NCKAP5: variants seen among roughly 807,000 people sequenced by gnomAD.
NCKAP5 encodes the protein NCK associated protein 5, also known as nck-associated protein 5.
Under a neutral mutation model 167.0 loss-of-function variants are expected in NCKAP5, and 92 were observed. The ratio of observed to expected loss-of-function variants is 0.55; its 90% CI spans 0.47 to 0.66. The LOEUF (loss-of-function observed/expected upper bound fraction) is 0.66. NCKAP5 is among the 30% of genes least tolerant of loss of function. NCKAP5 has a pLI of 0.00. For missense variants in NCKAP5, 2,378 were observed against 2,315.0 expected (o/e 1.03, Z -0.56); for synonymous variants, 891 against 877.4 (o/e 1.02, Z -0.27).
Position 133,558,704 on chromosome 2 carries a change from C to CAA in NCKAP5, c.-62+344_-62+345dup, listed in dbSNP as rs60051493. Among the ~76,000 whole-genome samples the CAA allele has an allele frequency of 6.7e-4, 34 of 50,858 alleles. 2 individuals carry two copies. The highest frequency in any genetic ancestry group is 8.9e-4 in the African/African-American group (11 of 12,308). The allele number at this position is 50,858 out of a possible 152,430, so 33.4% of individuals were successfully genotyped here. On this transcript the variant is annotated intron_variant, in intron 2 of 19. Transcript: ENST00000409261. ...ACATAAACAGATGCAATGTGCTGAG[C>CAA]AAAAAAAAAAAAAAAAAAAAAAGCC...
intron 4 of NCKAP5, among the ~76,000 whole-genome samples, chr2:133,288,919 G>T (rs1369622581): frequency 6.6e-6 from 1 of 152,066 alleles, no homozygotes; most frequent in Admixed American, 6.6e-5. Flanking sequence ...AAAAATTATA[G>T]ATTTTTAACT....
intron 6 of NCKAP5, among the ~76,000 whole-genome samples, chr2:133,048,873 C>T (rs898232986): frequency 6.6e-6 from 1 of 152,154 alleles, no homozygotes; most frequent in African/African-American, 2.4e-5. Context: ...TAACAATGTT[C>T]AGAGCAGTGT....
chr2:133,139,728 A>C (rs894735331), intron 5 of NCKAP5, among the ~76,000 whole-genome samples: 1 of 152,168 alleles, frequency 6.6e-6, no homozygotes, highest in South Asian at 2.1e-4. Context: ...CCTCACTGTC[A>C]TTCATTAGCA....
chr2:133,190,737 G>C (rs1460596408), intron 5 of NCKAP5, among the ~76,000 whole-genome samples: 1 of 152,138 alleles, frequency 6.6e-6, no homozygotes, highest in African/African-American at 2.4e-5. Flanking sequence ...GCTGAAACTG[G>C]ATCCCTTCCT....
At chr2:132,739,197 C>T (rs996092334) in intron 16 of NCKAP5, among the ~76,000 whole-genome samples, 2 of 152,156 alleles carry the variant, frequency 1.3e-5, no homozygotes, top group African/African-American at 4.8e-5. Context: ...TGTTTCTCAG[C>T]CTTTTCTTCT....
intron 4 of NCKAP5, among the ~76,000 whole-genome samples, chr2:133,287,946 A>G (rs571492832): frequency 8.3e-4 from 127 of 152,324 alleles, no homozygotes; most frequent in Admixed American, 1.5e-3. Flanking sequence ...TAACATTTCT[A>G]TTACAACTTC....
At chr2:132,722,431 C>G (rs1212591901) in intron 19 of NCKAP5, among the ~76,000 whole-genome samples, 1 of 152,224 alleles carries the variant, frequency 6.6e-6, no homozygotes, top group African/African-American at 2.4e-5. Flanking sequence ...CACTTGGCTT[C>G]TAAGACGCCA....
intron 6 of NCKAP5, among the ~76,000 whole-genome samples, chr2:133,108,085 G>A (rs919388175): frequency 1.4e-4 from 21 of 152,176 alleles, no homozygotes; most frequent in Middle Eastern, 3.4e-3. Context: ...TAATAACTCT[G>A]CTAATTTAAC....
rs1301860128 is a variant in NCKAP5, at chr2:132,748,536, T to A, written c.5129-16485A>T. Reference sequence around the variant, plus strand: ...TAAAACAAATGCATAGAGAACATTATCTCTTAGGGACATGAGCACATATGC... The same window carrying A: ...TAAAACAAATGCATAGAGAACATTAACTCTTAGGGACATGAGCACATATGC... On this transcript the variant is annotated intron_variant, in intron 16 of 19. Coordinates refer to ENST00000409261, the MANE Select transcript of NCKAP5 (RefSeq NM_207363.3). Among the ~76,000 whole-genome samples the A allele has an allele frequency of 7.2e-5, 11 of 152,290 alleles. No individual in the cohort carries two copies. The East Asian group carries it at 1.9e-3, about 27-fold the overall frequency.
At chr2:133,358,368 C>A (rs1213257870) in intron 3 of NCKAP5, among the ~76,000 whole-genome samples, 2 of 152,110 alleles carry the variant, frequency 1.3e-5, no homozygotes, top group African/African-American at 4.8e-5. Flanking sequence ...CGCTTGAGGG[C>A]AGGAGTTTGA....
intron 11 of NCKAP5, among the ~76,000 whole-genome samples, chr2:132,856,643 C>T (rs1208247338): frequency 6.6e-6 from 1 of 152,146 alleles, no homozygotes; most frequent in African/African-American, 2.4e-5. Context: ...AATGGTTACA[C>T]AGGTATCCCA....
At position 133,565,106 on chromosome 2, in the gene NCKAP5, T is replaced by A. The variant is rs1240718931; in HGVS notation, c.-130+3110A>T. 2.6e-5 allele frequency among the ~76,000 whole-genome samples: 4 copies of A among 151,992 alleles called. No homozygotes were observed. The East Asian group carries it at 7.8e-4, about 29-fold the overall frequency. On this transcript the variant is annotated intron_variant, in intron 1 of 19. Coordinates refer to ENST00000409261, the MANE Select transcript of NCKAP5 (RefSeq NM_207363.3). ...TGCAAGATATGGAGGATAAACTGAG[T>A]GTGTGGAGAGGTGCTGCAGGAGTAC...
intron 19 of NCKAP5, among the ~76,000 whole-genome samples, chr2:132,676,391 A>G (rs548005363): frequency 5.1e-5 from 7 of 138,418 alleles, no homozygotes; most frequent in African/African-American, 1.9e-4. Context: ...CCAATGCTAC[A>G]TCATCAGTAG....
intron 3 of NCKAP5, among the ~76,000 whole-genome samples, chr2:133,459,980 T>C (rs933528015): frequency 2.0e-5 from 3 of 152,186 alleles, no homozygotes; most frequent in African/African-American, 7.2e-5. Flanking sequence ...AAGACTTACG[T>C]GCAAAAAGAG....
chr2:133,223,365 G>A (rs1185836672), intron 4 of NCKAP5, among the ~76,000 whole-genome samples: 1 of 152,106 alleles, frequency 6.6e-6, no homozygotes, highest in Non-Finnish European at 1.5e-5. Flanking sequence ...GCTCCTCTGA[G>A]GAGGCCAAGA....
intron 8 of NCKAP5, among the ~76,000 whole-genome samples, chr2:132,881,895 C>T (rs1691788820): frequency 6.8e-6 from 1 of 147,548 alleles, no homozygotes; most frequent in African/African-American, 2.5e-5. Flanking sequence ...ATTTAAGCAA[C>T]CATCAATGAT....
intron 6 of NCKAP5, among the ~76,000 whole-genome samples, chr2:133,127,407 A>G (rs1353272162): frequency 6.6e-6 from 1 of 152,192 alleles, no homozygotes; most frequent in East Asian, 1.9e-4. Flanking sequence ...TTCAGTTTCA[A>G]TGACACTTTA....
At position 133,527,432 on chromosome 2, in the gene NCKAP5, C is replaced by CT. The variant is rs956442762; in HGVS notation, c.-61-9846dup. The stretch of plus-strand genomic sequence containing the variant: ...TAGAATATTTCCAATTACCTAGGAG[C>CT]TTTTTTTTCCACTTTAAGAGGTTAT... On this transcript the variant is annotated intron_variant, in intron 2 of 19. Coordinates refer to ENST00000409261, the MANE Select transcript of NCKAP5 (RefSeq NM_207363.3). Among the ~76,000 whole-genome samples, 7 of 151,770 alleles carry CT rather than the reference C, an allele frequency of 4.6e-5. No individual in the cohort carries two copies. The East Asian group carries it at 5.8e-4, about 13-fold the overall frequency.
chr2:133,139,609 T>A (rs1303675764), intron 5 of NCKAP5, among the ~76,000 whole-genome samples: 2 of 152,150 alleles, frequency 1.3e-5, no homozygotes, highest in African/African-American at 4.8e-5. Flanking sequence ...TCAGTAGATT[T>A]TGAGGAGAAT....
Sources: allele counts gnomAD v4.1 joint callset (sites outside exome capture counted in the v4.1 genomes callset), GRCh38; gene constraint gnomAD v4.1.1; transcripts MANE v1.5; gene names NCBI Gene and HGNC (gene_info 2026-07-23, HGNC 2026-07-21).